Variants in CCDC80 observed in about 807,000 individuals in gnomAD.
CCDC80 encodes the protein coiled-coil domain containing 80, also known as coiled-coil domain-containing protein 80.
In CCDC80, 49 loss-of-function variants were observed where a neutral mutation model predicts 78.7. The ratio of observed to expected loss-of-function variants is 0.62; its 90% CI spans 0.50 to 0.79. The LOEUF (loss-of-function observed/expected upper bound fraction) is 0.79. Among genes scored for constraint, CCDC80 ranks in the 30% least tolerant of loss-of-function variants. The pLI, the probability that CCDC80 is intolerant of heterozygous loss-of-function variation, is 0.00. For synonymous variants in CCDC80, 488 were observed against 447.0 expected, an observed-to-expected ratio of 1.09 and a Z score of -1.16; for missense variants, 1,205 against 1,198.6, an observed-to-expected ratio of 1.01 and a Z score of -0.08.
intron 2 of CCDC80, among the ~76,000 whole-genome samples, chr3:112,632,850 G>C (rs56114706): frequency 1.3e-5 from 2 of 152,014 alleles, no homozygotes; most frequent in African/African-American, 4.8e-5. Flanking sequence ...TTCTGGCCCC[G>C]GGCTCTCTTT....
intron 4 of CCDC80, among the ~76,000 whole-genome samples, chr3:112,617,629 A>G (rs978294099): frequency 6.6e-6 from 1 of 152,240 alleles, no homozygotes; most frequent in African/African-American, 2.4e-5. Flanking sequence ...TGCAGAATTA[A>G]CTAATGATGC....
intron 5 of CCDC80, among the ~76,000 whole-genome samples, chr3:112,611,781 G>C (rs72942080): frequency 6.4e-4 from 98 of 152,312 alleles, no homozygotes; most frequent in African/African-American, 2.3e-3. Context: ...TGCCTTCAGT[G>C]CAGGTGACCG....
chr3:112,635,295 A>G lies in CCDC80; in HGVS notation c.1878+2733T>C, dbSNP rs113678950. Among the ~76,000 whole-genome samples the G allele has an allele frequency of 2.8e-3, 427 of 152,376 alleles. 1 individual carries two copies. Among genetic ancestry groups the G allele is most frequent in the Admixed American group, 4.4e-3 (67 of 15,304 alleles). ...TGAGAAGATGAGCTGAAAGTCCTGC[A>G]CAATTTCTTGGAATGTAAACCTGCT... On this transcript the variant is annotated intron_variant, in intron 2 of 7. Transcript: ENST00000206423.
In CCDC80 at chr3:112,639,174, C is replaced by T. The variant is rs1936283989; in HGVS notation, c.732G>A (p.Val244=). The part of the protein sequence containing the change: ...GMVLLKKTLQ[V]EERYPYPVRL... ...TAACGGGATATGGATAGCGCTCCTC[C>T]ACCTGCAGCGTCTTCTTCAGCAGCA... The change falls in exon 2 of 8, where the codon GTG becomes GTA. Residue 244 remains valine (V), a synonymous_variant. Coordinates refer to ENST00000206423, the MANE Select transcript of CCDC80 (RefSeq NM_199511.3). 1.2e-6 allele frequency: 2 copies of T among 1,614,160 alleles called. No homozygotes were observed. The highest frequency in any genetic ancestry group is 1.7e-6 in the Non-Finnish European group (2 of 1,180,036).
intron 3 of CCDC80, 103 bp downstream of exon 3, chr3:112,630,010 A>C: frequency 2.8e-6 from 3 of 1,076,358 alleles, no homozygotes; most frequent in South Asian, 3.1e-5. Context: ...AGCCCTCTGA[A>C]CATCTTCATT....
intron 3 of CCDC80, among the ~76,000 whole-genome samples, chr3:112,622,355 A>G (rs1202201620): frequency 6.6e-6 from 1 of 152,248 alleles, no homozygotes; most frequent in Non-Finnish European, 1.5e-5. Flanking sequence ...AAAGCAAAAC[A>G]ATGAAAGTCC....
At chr3:112,614,579 C>T (rs114395682) in intron 5 of CCDC80, among the ~76,000 whole-genome samples, 3 of 151,538 alleles carry the variant, frequency 2.0e-5, no homozygotes, top group Non-Finnish European at 4.4e-5. Context: ...GCTGCCCCTA[C>T]GGCTGAGTTG....
intron 6 of CCDC80, among the ~76,000 whole-genome samples, chr3:112,608,748 A>G (rs998766562): frequency 5.3e-5 from 8 of 152,344 alleles, no homozygotes; most frequent in Middle Eastern, 3.4e-3. Context: ...ATATGTTAAT[A>G]TAAAGTCTTA....
In CCDC80 at chr3:112,638,379, C is replaced by A. The variant is rs527428637; in HGVS notation, c.1527G>T (p.Lys509Asn). 62 of 1,614,072 alleles carry A rather than the reference C, an allele frequency of 3.8e-5. No individual in the cohort carries two copies. The African/African-American group carries it at 7.1e-4, about 18-fold the overall frequency. ...DKILSNEYEEKYDLSRPTASQ... is the reference protein window; with the variant it reads ...DKILSNEYEENYDLSRPTASQ... The stretch of plus-strand genomic sequence containing the variant: ...AGGCAGTAGGCCGGCTGAGGTCATA[C>A]TTCTCCTCATACTCATTACTAAGAA... Residue 509 changes from lysine (K) to asparagine (N), a missense_variant, in exon 2 of 8, where the codon AAG becomes AAT. By Grantham distance (94) the Lys-to-Asn change is moderately conservative. Coordinates refer to ENST00000206423, the MANE Select transcript of CCDC80 (RefSeq NM_199511.3).
At position 112,600,941 on chromosome 3, in the gene CCDC80, T is replaced by C. The variant is rs916113368; in HGVS notation, c.*4476A>G. The C allele has an allele frequency of 2.0e-5, 3 of 152,158 alleles. No homozygotes were observed. Among genetic ancestry groups the C allele is most frequent in the African/African-American group, 7.2e-5 (3 of 41,432 alleles). The allele number at this position is 152,158 out of a possible 1,614,324, so 9.4% of individuals were successfully genotyped here. ...GGGCTATGCTTCATCCTGGCAAAAATTTAAAAGCAGTACACTTCGACGTGG... is the reference window on the plus strand; with the variant it reads ...GGGCTATGCTTCATCCTGGCAAAAACTTAAAAGCAGTACACTTCGACGTGG... On this transcript the variant is annotated 3_prime_UTR_variant, in exon 8 of 8. Coordinates refer to ENST00000206423, the MANE Select transcript of CCDC80 (RefSeq NM_199511.3).
chr3:112,630,781 G>C (rs2107491038), intron 2 of CCDC80, among the ~76,000 whole-genome samples: 1 of 152,278 alleles, frequency 6.6e-6, no homozygotes, highest in Non-Finnish European at 1.5e-5. Context: ...ACTCTTATTA[G>C]AAAACCTTGC....
chr3:112,607,781 C>CA (rs976078893), intron 6 of CCDC80, among the ~76,000 whole-genome samples: 2 of 150,970 alleles, frequency 1.3e-5, no homozygotes, highest in East Asian at 1.9e-4. Flanking sequence ...GACTCGGTCT[C>CA]AAAAAAAAGA....
rs1357652942 is a variant in CCDC80, at chr3:112,597,228, A to AGT, written c.*8187_*8188dup. 3 of 152,196 alleles carry AGT rather than the reference A, an allele frequency of 2.0e-5. No individual in the cohort carries two copies. The highest frequency in any genetic ancestry group is 4.4e-5 in the Non-Finnish European group (3 of 68,036). The allele number at this position is 152,196 out of a possible 1,614,324, so 9.4% of individuals were successfully genotyped here. A position where few individuals can be genotyped will look rare whatever the true frequency, so the allele number is the denominator to read the frequency against. On this transcript the variant is annotated 3_prime_UTR_variant, in exon 8 of 8. Coordinates refer to ENST00000206423, the MANE Select transcript of CCDC80 (RefSeq NM_199511.3). ...GTGTTTTCTGGTCTAATTAAACCAT[A>AGT]GTCTTCATATACCTTTACCACGCCT...
intron 4 of CCDC80, among the ~76,000 whole-genome samples, chr3:112,618,316 C>T (rs760516291): frequency 1.3e-5 from 2 of 152,116 alleles, no homozygotes; most frequent in South Asian, 2.1e-4. Flanking sequence ...GTCAGGAGAT[C>T]GAGACCATCC....
At chr3:112,623,097 G>T (rs954355816) in intron 3 of CCDC80, among the ~76,000 whole-genome samples, 17 of 152,212 alleles carry the variant, frequency 1.1e-4, no homozygotes, top group African/African-American at 4.1e-4. Context: ...TGAGGTGAGG[G>T]ATTCCCAGGG....
intron 4 of CCDC80, among the ~76,000 whole-genome samples, chr3:112,618,607 C>T (rs1935800495): frequency 6.6e-6 from 1 of 152,142 alleles, no homozygotes; most frequent in Non-Finnish European, 1.5e-5. Flanking sequence ...CTGAGATAGG[C>T]CTATGTTAAA....
chr3:112,623,118 CTG>C (rs1935901117), intron 3 of CCDC80, among the ~76,000 whole-genome samples: 1 of 152,168 alleles, frequency 6.6e-6, no homozygotes, highest in African/African-American at 2.4e-5. Flanking sequence ...AAGGTGAACT[CTG>C]TTATGTGCTG....
Position 112,638,306 on chromosome 3 carries a change from C to CT in CCDC80, c.1599dup (p.Ala534SerfsTer5). 6.2e-7 allele frequency: 1 copy of CT among 1,613,982 alleles called. No homozygotes were observed. The highest frequency in any genetic ancestry group is 1.1e-5 in the South Asian group (1 of 91,052). ...TTTTCATGCTTTTTAGACTCCTTTG[C>CT]TTTTTTAAGGGGAACATTCCCCACC... On this transcript the variant is annotated frameshift_variant, in exon 2 of 8. Coordinates refer to ENST00000206423, the MANE Select transcript of CCDC80 (RefSeq NM_199511.3). LOFTEE classifies it high-confidence loss of function.
In CCDC80 at chr3:112,639,741, A is replaced by C; in HGVS notation, c.165T>G (p.Thr55=). 1 of 1,614,146 alleles carries C rather than the reference A, an allele frequency of 6.2e-7. No individual in the cohort carries two copies. The highest frequency in any genetic ancestry group is 1.1e-5 in the South Asian group (1 of 91,084). ...SSRPARFLRH[T]GRSRGIERST... The stretch of plus-strand genomic sequence containing the variant: ...ATCTCTCAATTCCGCGAGACCTCCC[A>C]GTGTGCCTCAGAAACCGAGCTGGCC... The change falls in exon 2 of 8, where the codon ACT becomes ACG. Residue 55 remains threonine, a synonymous_variant. Coordinates refer to ENST00000206423, the MANE Select transcript of CCDC80 (RefSeq NM_199511.3).
Sources: allele counts gnomAD v4.1 joint callset (sites outside exome capture counted in the v4.1 genomes callset), GRCh38; gene constraint gnomAD v4.1.1; transcripts MANE v1.5; gene names NCBI Gene and HGNC (gene_info 2026-07-23, HGNC 2026-07-21).